The following ADAM28 variants were observed in gnomAD, a reference collection of about 807,000 sequenced individuals.
ADAM28 encodes ADAM metallopeptidase domain 28.
A neutral mutation model predicts 101.2 loss-of-function variants in ADAM28; 105 were observed. That is an observed-to-expected ratio of 1.04 (90% confidence interval 0.89 to 1.22). The LOEUF is 1.22. Among genes scored for constraint, ADAM28 ranks in the 50% most tolerant of loss-of-function variants. The pLI, the probability that ADAM28 is intolerant of heterozygous loss-of-function variation, is 0.00. For synonymous variants in ADAM28, 322 were observed against 310.6 expected (o/e 1.04, Z -0.39); for missense variants, 1,028 against 945.4 (o/e 1.09, Z -1.15).
At chr8:24,317,388 C>G (rs574422996) in intron 6 of ADAM28, among the ~76,000 whole-genome samples, 1 of 151,858 alleles carries the variant, frequency 6.6e-6, no homozygotes, top group Non-Finnish European at 1.5e-5. Context: ...CAAACATATA[C>G]GTTCAATTAA....
intron 5 of ADAM28, among the ~76,000 whole-genome samples, chr8:24,312,525 A>G (rs1054126401): frequency 1.3e-5 from 2 of 151,976 alleles, no homozygotes; most frequent in Non-Finnish European, 2.9e-5. Context: ...TAAACCCCAT[A>G]ATTTATCTTC....
At chr8:24,311,556 G>A in intron 5 of ADAM28, 119 bp downstream of exon 5, 2 of 655,894 alleles carry the variant, frequency 3.0e-6, no homozygotes, top group Non-Finnish European at 4.6e-6. Flanking sequence ...AAATCATAAG[G>A]GCCATAACAT....
chr8:24,325,886 A>ACAAACAAACAAAC (rs74283469), intron 9 of ADAM28, among the ~76,000 whole-genome samples: 7 of 130,160 alleles, frequency 5.4e-5, no homozygotes, highest in Non-Finnish European at 1.2e-4. Context: ...AAAAAAAAAA[A>ACAAACAAACAAAC]AAAAAAAAAA....
At chr8:24,300,476 G>T (rs1350671427) in intron 2 of ADAM28, among the ~76,000 whole-genome samples, 2 of 151,990 alleles carry the variant, frequency 1.3e-5, no homozygotes, top group African/African-American at 4.8e-5. Context: ...GAGTGCAGTG[G>T]TGTGATCTTG....
chr8:24,341,626 C>T lies in ADAM28; in HGVS notation c.1699C>T (p.Gln567Ter). The T allele has an allele frequency of 1.9e-6, 3 of 1,613,634 alleles. No individual in the cohort carries two copies. Among genetic ancestry groups the T allele is most frequent in the Non-Finnish European group, 2.5e-6 (3 of 1,179,714 alleles). ...TACCATGTGTGGGAAGTTGTTCTGT[C>T]AAGGTGGGTCGGATAATTTGCCCTG... ...NDTMCGKLFC[Q>*]GGSDNLPWKG... Residue 567 changes from glutamine to a stop codon, truncating the protein, a stop_gained, in exon 16 of 23, where the codon CAA (glutamine) becomes TAA (stop). Transcript: ENST00000265769. LOFTEE classifies it high-confidence loss of function.
chr8:24,294,974 G>T (rs1362771234), intron 1 of ADAM28, among the ~76,000 whole-genome samples: 1 of 152,142 alleles, frequency 6.6e-6, no homozygotes, highest in East Asian at 1.9e-4. Flanking sequence ...GAACTGCAGT[G>T]CCTCGAATTC....
At chr8:24,342,880 A>T in intron 16 of ADAM28, 1 of 724,628 alleles carries the variant, frequency 1.4e-6, no homozygotes, top group Non-Finnish European at 2.1e-6. Flanking sequence ...TTGGATTTTT[A>T]AAAATACATA....
chr8:24,320,685 A>G (rs138087947), intron 7 of ADAM28, among the ~76,000 whole-genome samples: 107 of 152,144 alleles, frequency 7.0e-4, no homozygotes, highest in African/African-American at 2.5e-3. Flanking sequence ...ATTGGTCACA[A>G]TGAAAGCTTA....
At chr8:24,305,163 T>C (rs1000972064) in intron 2 of ADAM28, among the ~76,000 whole-genome samples, 1 of 152,052 alleles carries the variant, frequency 6.6e-6, no homozygotes, top group Admixed American at 6.6e-5. Flanking sequence ...ACATTTAGAG[T>C]CCCTCCCATT....
At chr8:24,348,132 ATTTTATTATT>A (rs1226978196) in intron 18 of ADAM28, among the ~76,000 whole-genome samples, 1 of 151,658 alleles carries the variant, frequency 6.6e-6, no homozygotes, top group African/African-American at 2.4e-5. Context: ...AGACTTATTG[ATTTTATTATT>A]TTATTAACTT....
chr8:24,324,784 T>C (rs1812325651), intron 9 of ADAM28, among the ~76,000 whole-genome samples: 1 of 151,920 alleles, frequency 6.6e-6, no homozygotes, highest in African/African-American at 2.4e-5. Flanking sequence ...ATATCCCCTT[T>C]CATGTGCCTA....
rs1044343744 is a variant in ADAM28, at chr8:24,310,393, A to G, written c.306+152A>G. 2.7e-5 allele frequency: 19 copies of G among 713,724 alleles called. No individual in the cohort carries two copies. In the African/African-American group the frequency reaches 3.1e-4, roughly 12 times the overall value. The allele number at this position is 713,724 out of a possible 1,614,324, so 44.2% of individuals were successfully genotyped here. The stretch of plus-strand genomic sequence containing the variant: ...CATTACTTAAAATATAAAAAAAAGA[A>G]AAGTGGAAAATCAATTAACAAGAAC... On this transcript the variant is annotated intron_variant, in intron 4 of 22. Coordinates refer to ENST00000265769, the MANE Select transcript of ADAM28 (RefSeq NM_014265.6).
rs1248610941 is a variant in ADAM28 at position 24,326,560 on chromosome 8, A to T, written c.897A>T (p.Thr299=). ...RHDIAQLITA[T]ELAGTTVGLA... is the part of the protein sequence containing the mutation. ...ATTTATTCCTTTCTTGCAGAGCAAC[A>T]GAACTTGCTGGAACGACTGTGGGTC... The change falls in exon 10 of 23, where the codon ACA becomes ACT. Residue 299 remains threonine (T), a synonymous_variant. Transcript: ENST00000265769. The T allele has an allele frequency of 6.2e-7, 1 of 1,611,570 alleles. No homozygotes were observed. Among genetic ancestry groups the T allele is most frequent in the Non-Finnish European group, 8.5e-7 (1 of 1,178,510 alleles).
At position 24,332,763 on chromosome 8, in the gene ADAM28, A is replaced by T; in HGVS notation, c.1371+14A>T. On this transcript the variant is annotated intron_variant, in intron 13 of 22. Transcript: ENST00000265769. ...GAAAAATGCCAAGTAAGATTATTTT[A>T]TTCTATTTTAATAATTATGATTACA... 1 of 1,358,136 alleles carries T rather than the reference A, an allele frequency of 7.4e-7. No individual in the cohort carries two copies. The highest frequency in any genetic ancestry group is 1.8e-5 in the South Asian group (1 of 56,058). 84.1% of individuals were successfully genotyped at this position (1,358,136 alleles called of 1,614,324 possible).
chr8:24,304,055 G>A (rs947062767), intron 2 of ADAM28, among the ~76,000 whole-genome samples: 1 of 151,358 alleles, frequency 6.6e-6, no homozygotes, highest in Non-Finnish European at 1.5e-5. Flanking sequence ...ACATGCACGT[G>A]CACACCAAAC....
chr8:24,309,848 A>G, intron 2 of ADAM28, 46 bp from the exon 3 acceptor site: 1 of 1,349,752 alleles, frequency 7.4e-7, no homozygotes, highest in Non-Finnish European at 1.0e-6. Context: ...TAATAGTCAA[A>G]TGAATATGTT....
At position 24,357,081 on chromosome 8, in the gene ADAM28, C is replaced by T. The variant is rs549355942; in HGVS notation, c.*2677C>T. 1.3e-5 allele frequency: 2 copies of T among 152,136 alleles called. No individual in the cohort carries two copies. The highest frequency in any genetic ancestry group is 4.2e-4 in the South Asian group (2 of 4,816). 9.4% of individuals were successfully genotyped at this position (152,136 alleles called of 1,614,324 possible). On this transcript the variant is annotated 3_prime_UTR_variant, in exon 23 of 23. Coordinates refer to ENST00000265769, the MANE Select transcript of ADAM28 (RefSeq NM_014265.6). ...GAAAATGAGCCCCTGAGTTCAACGA[C>T]CCTCAAATGAAGTGAAGTCTACCAA... is the stretch of plus-strand genomic sequence containing the variant.
chr8:24,332,374 GT>G (rs1813461503), intron 12 of ADAM28, among the ~76,000 whole-genome samples: 1 of 152,052 alleles, frequency 6.6e-6, no homozygotes. Flanking sequence ...CAAGAACTGT[GT>G]TTTTTCTTCA....
chr8:24,307,460 G>C (rs1323342966), intron 2 of ADAM28, among the ~76,000 whole-genome samples: 2 of 152,116 alleles, frequency 1.3e-5, no homozygotes, highest in Non-Finnish European at 2.9e-5. Flanking sequence ...AAATAATCCT[G>C]TGTAAAAATT....
Sources: gnomAD v4.1 joint callset for allele counts (sites outside exome capture counted in the v4.1 genomes callset) on GRCh38, gnomAD v4.1.1 for gene constraint, MANE v1.5 for transcripts, NCBI Gene and HGNC (gene_info 2026-07-23, HGNC 2026-07-21) for gene names.